UBE2E3: variants seen among roughly 807,000 people sequenced by gnomAD.
The protein encoded by UBE2E3 is ubiquitin-conjugating enzyme E2 E3.
UBE2E3 carries 5 observed loss-of-function variants against 23.6 expected under a neutral mutation model. The observed-to-expected ratio is 0.21, with a 90% confidence interval of 0.11 to 0.44. The LOEUF (loss-of-function observed/expected upper bound fraction) is 0.44. Ranked by LOEUF, UBE2E3 falls within the 20% of genes least tolerant of loss-of-function variation. The probability of loss-of-function intolerance (pLI) is 0.99; values close to 1 mark genes in which losing one functional copy is unlikely to be tolerated. For synonymous variants in UBE2E3, 78 were observed against 87.5 expected (o/e 0.89, Z 0.60); for missense variants, 81 against 249.8 (o/e 0.32, Z 4.55).
chr2:180,999,016 C>G (rs183142696), intron 3 of UBE2E3, among the ~76,000 whole-genome samples: 194 of 152,120 alleles, frequency 1.3e-3, no homozygotes, highest in African/African-American at 4.4e-3. Flanking sequence ...GTCTTTTATT[C>G]TAGAGCATAA....
chr2:181,037,706 A>C lies in UBE2E3; in HGVS notation c.246-19987A>C, dbSNP rs978479755. On this transcript the variant is annotated intron_variant, in intron 3 of 5. Coordinates refer to ENST00000410062, the MANE Select transcript of UBE2E3 (RefSeq NM_006357.4). ...GTAAAAAAGTTACAGCCAGGCTCAC[A>C]CCTGTAATGCCAGCACTTTTAGGAG... Among the ~76,000 whole-genome samples the C allele has an allele frequency of 1.1e-4, 16 of 152,286 alleles. 1 individual carries two copies. In the East Asian group the frequency reaches 3.1e-3, roughly 29 times the overall value.
intron 3 of UBE2E3, among the ~76,000 whole-genome samples, chr2:180,991,320 C>G (rs991844250): frequency 5.3e-5 from 8 of 152,126 alleles, no homozygotes; most frequent in African/African-American, 1.9e-4. Flanking sequence ...CCTATACATA[C>G]ATACCTATGA....
chr2:181,043,604 A>C (rs1351752481), intron 3 of UBE2E3, among the ~76,000 whole-genome samples: 2 of 152,196 alleles, frequency 1.3e-5, no homozygotes, highest in Non-Finnish European at 2.9e-5. Context: ...AGGGATACTT[A>C]ACCTGAATTA....
intron 2 of UBE2E3, 92 bp from the exon 3 acceptor site, chr2:180,983,951 T>C (rs1684378540): frequency 9.9e-6 from 10 of 1,005,040 alleles, no homozygotes; most frequent in Non-Finnish European, 1.5e-5. Context: ...CAGCCTTGCA[T>C]TTAACTGCAT....
At chr2:181,055,704 A>G (rs1686970250) in intron 3 of UBE2E3, among the ~76,000 whole-genome samples, 1 of 147,876 alleles carries the variant, frequency 6.8e-6, no homozygotes, top group Non-Finnish European at 1.5e-5. Flanking sequence ...CTATAGTTAA[A>G]TGTACACTTT....
chr2:181,034,700 C>G (rs1686212522), intron 3 of UBE2E3, among the ~76,000 whole-genome samples: 1 of 143,830 alleles, frequency 7.0e-6, no homozygotes, highest in Non-Finnish European at 1.6e-5. Context: ...AAGAAATTTC[C>G]TGGAACTAGC....
chr2:181,027,174 T>C (rs1685920746), intron 3 of UBE2E3, among the ~76,000 whole-genome samples: 1 of 151,944 alleles, frequency 6.6e-6, no homozygotes, highest in South Asian at 2.1e-4. Flanking sequence ...AAGGTCTCTA[T>C]TTTATGACTT....
intron 3 of UBE2E3, among the ~76,000 whole-genome samples, chr2:181,032,551 G>C (rs1686117258): frequency 6.6e-6 from 1 of 152,054 alleles, no homozygotes; most frequent in Admixed American, 6.6e-5. Flanking sequence ...TCATTTGTCA[G>C]TGTCTCATTT....
chr2:180,997,997 T>G (rs1473170400), intron 3 of UBE2E3, among the ~76,000 whole-genome samples: 1 of 152,170 alleles, frequency 6.6e-6, no homozygotes, highest in Non-Finnish European at 1.5e-5. Context: ...GGTATAGCTC[T>G]TATATTTCTT....
chr2:181,002,825 CCCTCTTA>C (rs1236415953), intron 3 of UBE2E3, among the ~76,000 whole-genome samples: 1 of 152,100 alleles, frequency 6.6e-6, no homozygotes, highest in African/African-American at 2.4e-5. Context: ...ATCTTTTGTT[CCCTCTTA>C]CCTCTTTTTA....
chr2:181,021,357 CTT>C (rs5836764), intron 3 of UBE2E3, among the ~76,000 whole-genome samples: 182 of 145,046 alleles, frequency 1.3e-3, no homozygotes, highest in African/African-American at 3.8e-3. Context: ...CTTTTCTCTT[CTT>C]TTTTTTTTGT....
chr2:181,037,877 A>AGGACCACTTGAG (rs1686350647), intron 3 of UBE2E3, among the ~76,000 whole-genome samples: 4 of 152,162 alleles, frequency 2.6e-5, no homozygotes, highest in African/African-American at 7.2e-5. Context: ...CTGAGGTGGG[A>AGGACCACTTGAG]GGACCACTTG....
chr2:181,028,859 T>G (rs917260592), intron 3 of UBE2E3, among the ~76,000 whole-genome samples: 2 of 152,160 alleles, frequency 1.3e-5, no homozygotes, highest in South Asian at 4.1e-4. Context: ...GAACTGAATT[T>G]AAATGGTAGT....
At chr2:181,013,193 G>C (rs996744605) in intron 3 of UBE2E3, among the ~76,000 whole-genome samples, 5 of 152,116 alleles carry the variant, frequency 3.3e-5, no homozygotes, top group Non-Finnish European at 5.9e-5. Context: ...TGTTATGATA[G>C]TGAACCATAG....
At chr2:181,039,751 G>A (rs1213799356) in intron 3 of UBE2E3, among the ~76,000 whole-genome samples, 1 of 152,136 alleles carries the variant, frequency 6.6e-6, no homozygotes, top group Non-Finnish European at 1.5e-5. Context: ...TTCGTAAAAT[G>A]TCATCCCGTG....
chr2:181,005,328 T>G (rs1685118957), intron 3 of UBE2E3, among the ~76,000 whole-genome samples: 1 of 152,156 alleles, frequency 6.6e-6, no homozygotes, highest in South Asian at 2.1e-4. Flanking sequence ...TGGCCCCAGT[T>G]TTTTCATCAG....
intron 3 of UBE2E3, among the ~76,000 whole-genome samples, chr2:180,991,590 A>G (rs1684660362): frequency 1.3e-5 from 2 of 152,100 alleles, no homozygotes; most frequent in Admixed American, 1.3e-4. Context: ...GATGTCTTTG[A>G]TTGTGGCACA....
At chr2:181,055,204 A>G (rs1382247505) in intron 3 of UBE2E3, among the ~76,000 whole-genome samples, 3 of 151,828 alleles carry the variant, frequency 2.0e-5, no homozygotes, top group Admixed American at 2.0e-4. Context: ...TGTCAAGGAA[A>G]GATGATTGAG....
At chr2:181,049,791 T>C (rs920883466) in intron 3 of UBE2E3, among the ~76,000 whole-genome samples, 2 of 152,006 alleles carry the variant, frequency 1.3e-5, no homozygotes, top group African/African-American at 4.8e-5. Context: ...ATGAAGATGG[T>C]TTTGCAGACT....
Sources: allele counts gnomAD v4.1 joint callset (sites outside exome capture counted in the v4.1 genomes callset), GRCh38; gene constraint gnomAD v4.1.1; transcripts MANE v1.5; gene names NCBI Gene and HGNC (gene_info 2026-07-23, HGNC 2026-07-21).